CACNA1E: variants seen among roughly 807,000 people sequenced by gnomAD.
CACNA1E encodes the protein calcium voltage-gated channel subunit alpha1 E.
In CACNA1E, 40 loss-of-function variants were observed where a neutral mutation model predicts 259.2. The ratio of observed to expected loss-of-function variants is 0.15; its 90% CI spans 0.12 to 0.20. CACNA1E has a LOEUF of 0.20. CACNA1E is among the 10% of genes least tolerant of loss of function. CACNA1E has a pLI of 1.00. For missense variants in CACNA1E, 1,874 were observed against 3,040.1 expected (o/e 0.62, Z 9.02); for synonymous variants, 1,104 against 1,138.5 (o/e 0.97, Z 0.61).
intron 17 of CACNA1E, 81 bp from the exon 18 acceptor site, chr1:181,725,984 C>T (rs779182007): frequency 3.4e-6 from 3 of 881,310 alleles, no homozygotes; most frequent in Non-Finnish European, 5.5e-6. Context: ...GTATTCAGAA[C>T]TCCTCCTTAG....
Position 181,418,046 on chromosome 1 carries a change from T to C in CACNA1E, c.434+4466T>C, listed in dbSNP as rs148957115. On this transcript the variant is annotated intron_variant, in intron 2 of 11. Coordinates refer to the CACNA1E transcript ENST00000524607. Reference sequence around the variant, plus strand: ...GGCAAACAAACAGCTGTTGACATGGTGACATTGGCCTTCCCAAGGCAGAAT... The same window carrying C: ...GGCAAACAAACAGCTGTTGACATGGCGACATTGGCCTTCCCAAGGCAGAAT... Among the ~76,000 whole-genome samples the C allele has an allele frequency of 6.3e-3, 967 of 152,356 alleles. 9 individuals are homozygous for C. Among genetic ancestry groups the C allele is most frequent in the African/African-American group, 0.022 (911 of 41,576 alleles).
chr1:181,578,934 G>C, intron 4 of CACNA1E, 138 bp from the exon 5 acceptor site: 1 of 675,902 alleles, frequency 1.5e-6, no homozygotes, highest in Non-Finnish European at 2.4e-6. Flanking sequence ...TTTAGGAAAG[G>C]AGCACATTCT....
At chr1:181,592,239 T>C (rs972500037) in intron 6 of CACNA1E, among the ~76,000 whole-genome samples, 6 of 152,192 alleles carry the variant, frequency 3.9e-5, no homozygotes, top group African/African-American at 1.4e-4. Flanking sequence ...CCTTATTAAA[T>C]GTTCTGTCTC....
intron 7 of CACNA1E, among the ~76,000 whole-genome samples, chr1:181,664,255 C>A (rs1647977758): frequency 6.6e-6 from 1 of 152,192 alleles, no homozygotes; most frequent in Admixed American, 6.5e-5. Context: ...GCAATGGGAC[C>A]TTTGCTGCTC....
rs149153223 is a variant in CACNA1E, at chr1:181,749,985, C to G, written c.3720-491C>G. ...TTGCGTGTCCCTCTTTAGATGAAACCCTTTATAAGCATAACTGTGCCAGTG... is the reference window on the plus strand; with the variant it reads ...TTGCGTGTCCCTCTTTAGATGAAACGCTTTATAAGCATAACTGTGCCAGTG... On this transcript the variant is annotated intron_variant, in intron 25 of 47. Transcript: ENST00000367573. Among the ~76,000 whole-genome samples, 853 of 152,326 alleles carry G rather than the reference C, an allele frequency of 5.6e-3. 4 individuals are homozygous for G. Among genetic ancestry groups the G allele is most frequent in the Non-Finnish European group, 0.01 (691 of 68,038 alleles).
rs890735759 is a variant in CACNA1E at position 181,805,182 on chromosome 1, T to A, written c.*6348T>A. On this transcript the variant is annotated 3_prime_UTR_variant, in exon 48 of 48. Transcript: ENST00000367573. The stretch of plus-strand genomic sequence containing the variant: ...AGACTTTATACCAGGCTGTGCCACT[T>A]CCTCTTCACTTCACTCAGAGGATGG... The A allele has an allele frequency of 9.8e-5, 15 of 152,296 alleles. No individual in the cohort carries two copies. Among genetic ancestry groups the A allele is most frequent in the South Asian group, 2.1e-4 (1 of 4,826 alleles). The allele number at this position is 152,296 out of a possible 1,614,324, so 9.4% of individuals were successfully genotyped here.
intron 2 of CACNA1E, among the ~76,000 whole-genome samples, chr1:181,430,644 T>C (rs1021699712): frequency 1.9e-4 from 29 of 152,358 alleles, no homozygotes; most frequent in African/African-American, 6.0e-4. Context: ...TGCTTGTCTG[T>C]GCAGCTGCAG....
chr1:181,793,000 A>G (rs1661464510), intron 44 of CACNA1E, among the ~76,000 whole-genome samples: 1 of 152,218 alleles, frequency 6.6e-6, no homozygotes, highest in Non-Finnish European at 1.5e-5. Context: ...ACATGCTACT[A>G]TTTGGATATA....
At chr1:181,656,186 A>G (rs1356365096) in intron 7 of CACNA1E, among the ~76,000 whole-genome samples, 1 of 152,216 alleles carries the variant, frequency 6.6e-6, no homozygotes, top group Non-Finnish European at 1.5e-5. Flanking sequence ...TAAAAAAGTT[A>G]TCTGTAAAAC....
rs1319380973 is a variant in CACNA1E at position 181,404,598 on chromosome 1, G to T, written c.-14-8535G>T. ...AGAGAAGAGAGTGGAATGAAGAAAA[G>T]ATCCTAAAAGCTTTCAGAGATCAGA... On this transcript the variant is annotated intron_variant, in intron 1 of 11. Coordinates refer to the CACNA1E transcript ENST00000524607. Among the ~76,000 whole-genome samples the T allele has an allele frequency of 2.0e-5, 3 of 152,186 alleles. No individual in the cohort carries two copies. In the East Asian group the frequency reaches 5.8e-4, roughly 29 times the overall value.
chr1:181,516,657 T>G lies in CACNA1E; in HGVS notation c.512+5147T>G, dbSNP rs6686880. 2.3e-3 allele frequency among the ~76,000 whole-genome samples: 356 copies of G among 152,312 alleles called. 2 individuals are homozygous for G. Among genetic ancestry groups the G allele is most frequent in the African/African-American group, 7.9e-3 (329 of 41,566 alleles). On this transcript the variant is annotated intron_variant, in intron 3 of 47. Coordinates refer to ENST00000367573, the MANE Select transcript of CACNA1E (RefSeq NM_001205293.3). ...GGAGCAATTTAGTCTCCTTTCCCTA[T>G]TTCCCTTGTGTCTCTTTGGGTTCAG... is the stretch of plus-strand genomic sequence containing the variant.
At chr1:181,554,006 A>G (rs1440289824) in intron 3 of CACNA1E, among the ~76,000 whole-genome samples, 1 of 152,010 alleles carries the variant, frequency 6.6e-6, no homozygotes, top group African/African-American at 2.4e-5. Context: ...CAAAGTCAGT[A>G]TTTGAATTTA....
chr1:181,399,265 ATGAAAAATC>A (rs1394303021), intron 1 of CACNA1E, among the ~76,000 whole-genome samples: 1 of 151,646 alleles, frequency 6.6e-6, no homozygotes, highest in Non-Finnish European at 1.5e-5. Flanking sequence ...AAAAAAGCAA[ATGAAAAATC>A]TTGTGGTCTT....
At position 181,334,744 on chromosome 1, in the gene CACNA1E, ATGCTGCCCTACC is replaced by A. The variant is rs1469747089; in HGVS notation, c.-15+16624_-15+16635del. Reference sequence around the variant, plus strand: ...CTACCACTAACTGACACAGGTGGTCATGCTGCCCTACCTGGAGTGTGTTCTCAACCCAGCAGC... The same window carrying A: ...CTACCACTAACTGACACAGGTGGTCATGGAGTGTGTTCTCAACCCAGCAGC... On this transcript the variant is annotated intron_variant, in intron 1 of 11. Coordinates refer to the CACNA1E transcript ENST00000524607. Among the ~76,000 whole-genome samples the A allele has an allele frequency of 5.3e-5, 8 of 152,188 alleles. No individual in the cohort carries two copies. In the East Asian group the frequency reaches 1.5e-3, roughly 29 times the overall value.
At chr1:181,577,486 A>G (rs1194087140) in intron 3 of CACNA1E, among the ~76,000 whole-genome samples, 2 of 152,210 alleles carry the variant, frequency 1.3e-5, no homozygotes, top group East Asian at 1.9e-4. Context: ...GGGGACAGGA[A>G]TGGGACAGAT....
chr1:181,784,419 C>T (rs181980458), intron 40 of CACNA1E, among the ~76,000 whole-genome samples: 3 of 152,174 alleles, frequency 2.0e-5, no homozygotes, highest in Non-Finnish European at 2.9e-5. Flanking sequence ...GGAAGTTGCT[C>T]TTAGTCTGAG....
At chr1:181,694,818 G>A (rs1291671343) in intron 7 of CACNA1E, among the ~76,000 whole-genome samples, 1 of 152,108 alleles carries the variant, frequency 6.6e-6, no homozygotes. Flanking sequence ...CTGGAAATGG[G>A]CAAGGACTTT....
At chr1:181,710,108 T>C (rs1371162461) in intron 7 of CACNA1E, among the ~76,000 whole-genome samples, 1 of 152,120 alleles carries the variant, frequency 6.6e-6, no homozygotes, top group East Asian at 1.9e-4. Flanking sequence ...GGAGTGGCAT[T>C]GGCCCCCTGA....
At chr1:181,691,015 A>T (rs1287260685) in intron 7 of CACNA1E, among the ~76,000 whole-genome samples, 1 of 152,016 alleles carries the variant, frequency 6.6e-6, no homozygotes, top group East Asian at 1.9e-4. Flanking sequence ...GCATCTATGT[A>T]TCTGAATATT....
Sources: gnomAD v4.1 joint callset for allele counts (sites outside exome capture counted in the v4.1 genomes callset) on GRCh38, gnomAD v4.1.1 for gene constraint, MANE v1.5 for transcripts, NCBI Gene and HGNC (gene_info 2026-07-23, HGNC 2026-07-21) for gene names.